Variants in TMEM132E observed in about 807,000 individuals in gnomAD.
TMEM132E encodes the protein transmembrane protein 132E.
Under a neutral mutation model 78.5 loss-of-function variants are expected in TMEM132E, and 49 were observed. The ratio of observed to expected loss-of-function variants is 0.62; its 90% confidence interval spans 0.50 to 0.79. The LOEUF (loss-of-function observed/expected upper bound fraction) is 0.79, where lower values mean the gene tolerates loss of function less well. TMEM132E is among the 30% of genes least tolerant of loss of function. The pLI is 0.00. For missense variants in TMEM132E, 1,403 were observed against 1,470.9 expected, an observed-to-expected ratio of 0.95 and a Z score of 0.75; for synonymous variants, 715 against 670.6, an observed-to-expected ratio of 1.07 and a Z score of -1.02.
intron 1 of TMEM132E, among the ~76,000 whole-genome samples, chr17:34,606,646 C>T (rs951663344): frequency 6.6e-6 from 1 of 152,206 alleles, no homozygotes; most frequent in Non-Finnish European, 1.5e-5. Flanking sequence ...GAGCTATGAG[C>T]CCAGTCTCAT....
chr17:34,633,319 G>T (rs1907412497), intron 6 of TMEM132E, among the ~76,000 whole-genome samples: 1 of 152,246 alleles, frequency 6.6e-6, no homozygotes, highest in Non-Finnish European at 1.5e-5. Flanking sequence ...GGAGTTGGCT[G>T]GGGAGACAGG....
chr17:34,585,902 TCA>T lies in TMEM132E; in HGVS notation c.67+4764_67+4765del, dbSNP rs1468280481. ...TCTTGAAATTCAAAGCAGTTTGAAA[TCA>T]CACAGTCCTCAGGATACAGGATATC... is the stretch of plus-strand genomic sequence containing the variant. On this transcript the variant is annotated intron_variant, in intron 1 of 8. Transcript: ENST00000631683. Among the ~76,000 whole-genome samples, 15 of 152,212 alleles carry T rather than the reference TCA, an allele frequency of 9.9e-5. 1 individual carries two copies. The highest frequency in any genetic ancestry group is 4.4e-5 in the Non-Finnish European group (3 of 68,044).
chr17:34,631,061 G>A, intron 5 of TMEM132E, among the ~76,000 whole-genome samples: 1 of 152,198 alleles, frequency 6.6e-6, no homozygotes, highest in Non-Finnish European at 1.5e-5. Context: ...AAATCAGATG[G>A]TTAGACAACT....
intron 1 of TMEM132E, among the ~76,000 whole-genome samples, chr17:34,613,203 A>G (rs544091395): frequency 2.5e-4 from 29 of 114,598 alleles, no homozygotes; most frequent in Admixed American, 1.3e-3. Flanking sequence ...ACACCCACAC[A>G]CACACACACG....
At chr17:34,628,190 C>G (rs1299165772) in intron 2 of TMEM132E, among the ~76,000 whole-genome samples, 1 of 152,174 alleles carries the variant, frequency 6.6e-6, no homozygotes, top group Non-Finnish European at 1.5e-5. Flanking sequence ...CCCAGCAGAG[C>G]CTGTGGCTGT....
intron 1 of TMEM132E, among the ~76,000 whole-genome samples, chr17:34,598,451 C>T (rs1191745294): frequency 6.6e-6 from 1 of 152,152 alleles, no homozygotes; most frequent in Non-Finnish European, 1.5e-5. Context: ...GAAGGATTGG[C>T]TCTTGCTGGG....
At chr17:34,598,935 C>A (rs1361539543) in intron 1 of TMEM132E, among the ~76,000 whole-genome samples, 1 of 152,192 alleles carries the variant, frequency 6.6e-6, no homozygotes, top group Non-Finnish European at 1.5e-5. Context: ...TGCTGCAGAC[C>A]CTGGCCCCCA....
chr17:34,626,935 C>A lies in TMEM132E; in HGVS notation c.876C>A (p.Ser292Arg), dbSNP rs754913542. 1 of 1,613,774 alleles carries A rather than the reference C, an allele frequency of 6.2e-7. No homozygotes were observed. The highest frequency in any genetic ancestry group is 1.3e-5 in the African/African-American group (1 of 75,066). ...CCCTGCAGGAGCACAGGCTGGACAG[C>A]AACCTGATGATCCGCCTGCCAGACC... Reference protein sequence around the residue: ...RRTLQEHRLDSNLMIRLPDRP... With the variant: ...RRTLQEHRLDRNLMIRLPDRP... The change falls in exon 2 of 9, where the codon AGC becomes AGA. Residue 292 changes from serine to arginine, a missense_variant. Around this residue, in one of 3 missense-constraint regions of TMEM132E, gnomAD observed 511 missense variants for 499.0 expected, o/e 1.02. Coordinates refer to ENST00000631683, the MANE Select transcript of TMEM132E (RefSeq NM_001304438.2).
At chr17:34,607,073 C>A (rs905073957) in intron 1 of TMEM132E, among the ~76,000 whole-genome samples, 3 of 152,218 alleles carry the variant, frequency 2.0e-5, no homozygotes, top group South Asian at 2.1e-4. Context: ...TGGGATCCTT[C>A]CTGGGACAGG....
intron 1 of TMEM132E, among the ~76,000 whole-genome samples, chr17:34,615,543 G>GTGTGTGTA (rs1906753008): frequency 6.6e-6 from 1 of 151,594 alleles, no homozygotes. Flanking sequence ...GTGTGTGTGT[G>GTGTGTGTA]TGTGTGTGTT....
At chr17:34,600,423 A>ACGAG (rs1329778984) in intron 1 of TMEM132E, among the ~76,000 whole-genome samples, 1 of 59,144 alleles carries the variant, frequency 1.7e-5, no homozygotes, top group Non-Finnish European at 3.4e-5. Flanking sequence ...TTGAGCGTAT[A>ACGAG]TGAGTGTGTG....
chr17:34,634,755 G>T, intron 6 of TMEM132E, 44 bp from the exon 7 acceptor site: 1 of 1,566,068 alleles, frequency 6.4e-7, no homozygotes, highest in South Asian at 1.2e-5. Context: ...GTGCAGGTCA[G>T]AGTCCAGGTG....
At chr17:34,584,073 T>C (rs1905583981) in intron 1 of TMEM132E, among the ~76,000 whole-genome samples, 1 of 152,214 alleles carries the variant, frequency 6.6e-6, no homozygotes, top group South Asian at 2.1e-4. Context: ...GCTGATTATG[T>C]CAGCTCACTA....
rs894606203 is a variant in TMEM132E, at chr17:34,626,723, G to A, written c.664G>A (p.Glu222Lys). 2 of 1,377,960 alleles carry A rather than the reference G, an allele frequency of 1.5e-6. No individual in the cohort carries two copies. The highest frequency in any genetic ancestry group is 1.5e-5 in the African/African-American group (1 of 67,726). 85.4% of individuals were successfully genotyped at this position (1,377,960 alleles called of 1,614,324 possible). The change falls in exon 2 of 9, where the codon GAG becomes AAG. Residue 222 changes from glutamate (E) to lysine (K), a missense_variant. Around this residue, in one of 3 missense-constraint regions of TMEM132E, gnomAD observed 511 missense variants for 499.0 expected, o/e 1.02. Transcript: ENST00000631683. ...CAAGTCCCCGGACGGGCTGGAGCCC[G>A]AGGCGACGGGGGAGAGCCAGCAGGC... is the stretch of plus-strand genomic sequence containing the variant. ...RRKSPDGLEP[E>K]ATGESQQAEL...
At chr17:34,616,704 G>A (rs1164928231) in intron 1 of TMEM132E, among the ~76,000 whole-genome samples, 2 of 152,022 alleles carry the variant, frequency 1.3e-5, no homozygotes, top group African/African-American at 2.4e-5. Flanking sequence ...GGAGGAGGGA[G>A]GAGCTACAGG....
rs1432999259 is a variant in TMEM132E, at chr17:34,619,372, C to T, written c.68-6755C>T. On this transcript the variant is annotated intron_variant, in intron 1 of 8. Coordinates refer to ENST00000631683, the MANE Select transcript of TMEM132E (RefSeq NM_001304438.2). Reference sequence around the variant, plus strand: ...TTCCTACTTAGCGCTATGTTCCAAGCATCTGCCATAATAACAACGCCTGGA... The same window carrying T: ...TTCCTACTTAGCGCTATGTTCCAAGTATCTGCCATAATAACAACGCCTGGA... Among the ~76,000 whole-genome samples the T allele has an allele frequency of 2.0e-5, 3 of 151,366 alleles. No individual in the cohort carries two copies. In the East Asian group the frequency reaches 5.8e-4, roughly 29 times the overall value.
At position 34,639,241 on chromosome 17, in the gene TMEM132E, A is replaced by AGAGAGATTTTT. The variant is rs2142091432; in HGVS notation, c.*1009_*1010insGAGAGATTTTT. 6.6e-6 allele frequency: 1 copy of AGAGAGATTTTT among 152,570 alleles called. No individual in the cohort carries two copies. The highest frequency in any genetic ancestry group is 2.4e-5 in the African/African-American group (1 of 41,498). 9.5% of individuals were successfully genotyped at this position (152,570 alleles called of 1,614,324 possible). On this transcript the variant is annotated 3_prime_UTR_variant, in exon 9 of 9. Coordinates refer to ENST00000631683, the MANE Select transcript of TMEM132E (RefSeq NM_001304438.2). The stretch of plus-strand genomic sequence containing the variant: ...ATTTTTCTCTCGGGTTCTACCCACC[A>AGAGAGATTTTT]CTGTGTCGGATTTTTCTTAAATAAA...
rs951684354 is a variant in TMEM132E, at chr17:34,638,493, T to C, written c.*261T>C. On this transcript the variant is annotated 3_prime_UTR_variant, in exon 9 of 9. Transcript: ENST00000631683. ...TAAGGAGGAAAGCAACCCCAGCCTC[T>C]GTTCTGCCCTTTCCAAACCTCCTCC... 3.8e-5 allele frequency: 16 copies of C among 424,320 alleles called. No individual in the cohort carries two copies. The highest frequency in any genetic ancestry group is 5.8e-5 in the Non-Finnish European group (14 of 241,858). The allele number at this position is 424,320 out of a possible 1,614,324, so 26.3% of individuals were successfully genotyped here.
intron 1 of TMEM132E, among the ~76,000 whole-genome samples, chr17:34,596,504 C>T (rs1336568364): frequency 6.6e-6 from 1 of 152,128 alleles, no homozygotes; most frequent in Non-Finnish European, 1.5e-5. Flanking sequence ...TCAGCTTGGT[C>T]CCAGTGCCAT....
Sources: allele counts gnomAD v4.1 joint callset (sites outside exome capture counted in the v4.1 genomes callset), GRCh38; gene constraint gnomAD v4.1.1; regional missense constraint gnomAD v4.1.1; transcripts MANE v1.5; gene names NCBI Gene and HGNC (gene_info 2026-07-23, HGNC 2026-07-21).